The following CCDC178 variants were observed in gnomAD, a reference collection of about 807,000 sequenced individuals.
CCDC178 encodes coiled-coil domain containing 178.
Under a neutral mutation model 117.4 loss-of-function variants are expected in CCDC178, and 126 were observed. The observed-to-expected ratio is 1.07, with a 90% CI of 0.93 to 1.24. The LOEUF is 1.24. CCDC178 is among the 50% of genes most tolerant of loss of function. The probability of loss-of-function intolerance (pLI) is 0.00; values close to 1 mark genes in which losing one functional copy is unlikely to be tolerated. For missense variants in CCDC178, 1,030 were observed against 986.9 expected, an observed-to-expected ratio of 1.04 and a Z score of -0.59; for synonymous variants, 283 against 313.4, an observed-to-expected ratio of 0.90 and a Z score of 1.02.
intron 18 of CCDC178, among the ~76,000 whole-genome samples, chr18:33,216,090 C>T (rs1189835814): frequency 6.6e-6 from 1 of 151,802 alleles, no homozygotes; most frequent in Non-Finnish European, 1.5e-5. Context: ...AGAGTGAGAC[C>T]CTGTCTCTAA....
chr18:33,314,678 T>A (rs1055537222), intron 11 of CCDC178, among the ~76,000 whole-genome samples: 1 of 152,166 alleles, frequency 6.6e-6, no homozygotes, highest in Non-Finnish European at 1.5e-5. Flanking sequence ...TGACCTTCCA[T>A]CCCTTCCAAC....
chr18:33,367,793 C>A (rs1454620514), intron 6 of CCDC178, among the ~76,000 whole-genome samples: 3 of 151,676 alleles, frequency 2.0e-5, no homozygotes, highest in Non-Finnish European at 4.4e-5. Flanking sequence ...AATAATAAAA[C>A]AAAATAAGAT....
chr18:33,378,683 A>G (rs751944664), intron 5 of CCDC178, among the ~76,000 whole-genome samples: 3 of 152,202 alleles, frequency 2.0e-5, no homozygotes, highest in Admixed American at 2.0e-4. Context: ...TTCGACATCT[A>G]TTGAGATGAT....
chr18:32,958,094 T>A, intron 22 of CCDC178: 1 of 383,130 alleles, frequency 2.6e-6, no homozygotes. Flanking sequence ...AATGATGGGC[T>A]AAATTATTGA....
chr18:33,211,057 A>G (rs2059101922), intron 20 of CCDC178, among the ~76,000 whole-genome samples: 1 of 151,808 alleles, frequency 6.6e-6, no homozygotes, highest in African/African-American at 2.4e-5. Flanking sequence ...AAGTAATGGA[A>G]ATATTGATAT....
chr18:33,333,503 C>CAAA, intron 9 of CCDC178, 109 bp from the exon 10 acceptor site: 1 of 323,598 alleles, frequency 3.1e-6, no homozygotes, highest in Non-Finnish European at 5.5e-6. Flanking sequence ...GTGAATCTTA[C>CAAA]TACTTTTTTT....
chr18:32,944,757 C>T (rs1048675640), intron 22 of CCDC178, among the ~76,000 whole-genome samples: 3 of 152,084 alleles, frequency 2.0e-5, no homozygotes, highest in Admixed American at 1.3e-4. Flanking sequence ...GGGAGGGACC[C>T]AGTGGGAGAT....
intron 4 of CCDC178, among the ~76,000 whole-genome samples, chr18:33,390,724 T>G (rs371300064): frequency 1.3e-5 from 2 of 152,158 alleles, no homozygotes; most frequent in African/African-American, 4.8e-5. Context: ...AGCTTGAATG[T>G]CATGATAGTT....
chr18:33,360,753 A>T (rs1489406241), intron 6 of CCDC178, among the ~76,000 whole-genome samples: 1 of 151,674 alleles, frequency 6.6e-6, no homozygotes, highest in East Asian at 1.9e-4. Flanking sequence ...AATCCCATTT[A>T]TAACAGCATA....
At chr18:33,141,459 G>A (rs1016340069) in intron 20 of CCDC178, among the ~76,000 whole-genome samples, 7 of 152,120 alleles carry the variant, frequency 4.6e-5, no homozygotes, top group Non-Finnish European at 7.3e-5. Context: ...GGGAGACCAA[G>A]GCCTTGGAAA....
At position 33,376,218 on chromosome 18, in the gene CCDC178, G is replaced by A. The variant is rs537275874; in HGVS notation, c.209-6029C>T. On this transcript the variant is annotated intron_variant, in intron 5 of 22. Transcript: ENST00000383096. ...GAGCAGTTATTACTTTAGATAAACA[G>A]TTAACAACTGCTTGACCATCACCTG... Among the ~76,000 whole-genome samples, 11 of 152,154 alleles carry A rather than the reference G, an allele frequency of 7.2e-5. No individual in the cohort carries two copies. The East Asian group carries it at 1.9e-3, about 27-fold the overall frequency.
intron 21 of CCDC178, among the ~76,000 whole-genome samples, chr18:33,040,452 T>C (rs1387290725): frequency 1.3e-5 from 2 of 151,992 alleles, no homozygotes; most frequent in Non-Finnish European, 2.9e-5. Context: ...TGTAAAACTA[T>C]CATTAAAATG....
chr18:33,394,935 A>G (rs2063610855), intron 4 of CCDC178, among the ~76,000 whole-genome samples: 1 of 101,456 alleles, frequency 9.9e-6, no homozygotes, highest in Admixed American at 1.2e-4. Context: ...AAGCCTGTAT[A>G]TGTATGTGTA....
At chr18:32,978,972 G>T (rs1456447911) in intron 21 of CCDC178, among the ~76,000 whole-genome samples, 1 of 151,610 alleles carries the variant, frequency 6.6e-6, no homozygotes, top group East Asian at 2.0e-4. Context: ...GGGAGGCGGA[G>T]GTTGCAGTGA....
At chr18:33,316,342 C>T (rs559496135) in intron 11 of CCDC178, among the ~76,000 whole-genome samples, 1 of 152,306 alleles carries the variant, frequency 6.6e-6, no homozygotes, top group South Asian at 2.1e-4. Flanking sequence ...AAGCCCAGGG[C>T]AGTAAGGGGC....
intron 20 of CCDC178, among the ~76,000 whole-genome samples, chr18:33,161,285 A>C (rs1211053752): frequency 6.6e-6 from 1 of 152,130 alleles, no homozygotes; most frequent in African/African-American, 2.4e-5. Context: ...CATTTTACCC[A>C]TTTCCTGTGC....
chr18:33,324,719 G>A (rs1414884647), intron 10 of CCDC178, among the ~76,000 whole-genome samples: 2 of 139,908 alleles, frequency 1.4e-5, no homozygotes, highest in Non-Finnish European at 3.3e-5. Context: ...AAGCCTTCCT[G>A]TCTTAGGATA....
At chr18:33,174,995 C>G (rs2144443541) in intron 20 of CCDC178, among the ~76,000 whole-genome samples, 1 of 151,976 alleles carries the variant, frequency 6.6e-6, no homozygotes. Flanking sequence ...GCTGGGAGTA[C>G]CGGTGCCTGC....
At chr18:33,438,283 T>A (rs1351813848) in intron 2 of CCDC178, among the ~76,000 whole-genome samples, 3 of 152,036 alleles carry the variant, frequency 2.0e-5, no homozygotes, top group Non-Finnish European at 2.9e-5. Flanking sequence ...TCCTTCAGCA[T>A]CCCCATGTCA....
Sources: gnomAD v4.1 joint callset for allele counts (sites outside exome capture counted in the v4.1 genomes callset) on GRCh38, gnomAD v4.1.1 for gene constraint, MANE v1.5 for transcripts, NCBI Gene and HGNC (gene_info 2026-07-23, HGNC 2026-07-21) for gene names.